The following FHIT variants were observed in gnomAD, a reference collection of about 807,000 sequenced individuals.
The protein encoded by FHIT is bis(5'-adenosyl)-triphosphatase.
FHIT carries 19 observed loss-of-function variants against 17.9 expected under a neutral mutation model. The ratio of observed to expected loss-of-function variants is 1.06; its 90% CI spans 0.74 to 1.56. The LOEUF (loss-of-function observed/expected upper bound fraction) is 1.56. Ranked by LOEUF, FHIT falls within the 40% of genes most tolerant of loss-of-function variation. FHIT has a pLI of 0.00. For missense variants in FHIT, 248 were observed against 189.2 expected (o/e 1.31, Z -1.82); for synonymous variants, 81 against 69.7 (o/e 1.16, Z -0.81).
chr3:60,339,270 T>C (rs796903907), intron 5 of FHIT, among the ~76,000 whole-genome samples: 4 of 152,258 alleles, frequency 2.6e-5, no homozygotes, highest in African/African-American at 9.6e-5. Context: ...TAAACTAACT[T>C]TCCTAAACCT....
At chr3:59,948,576 G>A (rs1706953172) in intron 7 of FHIT, among the ~76,000 whole-genome samples, 2 of 151,738 alleles carry the variant, frequency 1.3e-5, no homozygotes, top group East Asian at 3.9e-4. Context: ...CTATTTTCCA[G>A]AGTAGTAGTT....
chr3:59,755,533 A>C (rs538968191), intron 8 of FHIT, among the ~76,000 whole-genome samples: 1 of 152,298 alleles, frequency 6.6e-6, no homozygotes, highest in African/African-American at 2.4e-5. Context: ...ACTTTAATGG[A>C]GGAGTTTCAC....
At chr3:59,916,103 G>C (rs1705122927) in intron 8 of FHIT, among the ~76,000 whole-genome samples, 1 of 152,112 alleles carries the variant, frequency 6.6e-6, no homozygotes, top group African/African-American at 2.4e-5. Flanking sequence ...TGGACTGGGA[G>C]AGGCAGACCC....
At chr3:60,283,929 T>C (rs1297835606) in intron 5 of FHIT, among the ~76,000 whole-genome samples, 2 of 152,118 alleles carry the variant, frequency 1.3e-5, no homozygotes, top group Non-Finnish European at 2.9e-5. Context: ...TTAGACTCTA[T>C]TGGATCAGGA....
chr3:60,193,083 A>G (rs1273552508), intron 5 of FHIT, among the ~76,000 whole-genome samples: 2 of 152,218 alleles, frequency 1.3e-5, no homozygotes, highest in Non-Finnish European at 2.9e-5. Context: ...AAAAATGGAG[A>G]TTTCTCAAAA....
chr3:60,028,503 C>A (rs758959255), intron 5 of FHIT, among the ~76,000 whole-genome samples: 28 of 152,290 alleles, frequency 1.8e-4, no homozygotes, highest in Non-Finnish European at 2.6e-4. Context: ...CAGTCAGAGG[C>A]AGCCAGCAAA....
At chr3:60,939,787 T>C (rs940825475) in intron 3 of FHIT, among the ~76,000 whole-genome samples, 3 of 152,142 alleles carry the variant, frequency 2.0e-5, no homozygotes, top group African/African-American at 4.8e-5. Flanking sequence ...CACATAGATA[T>C]ACATGTTCTT....
chr3:60,140,244 A>G (rs143454166), intron 5 of FHIT, among the ~76,000 whole-genome samples: 1,946 of 152,238 alleles, frequency 0.013, 36 homozygotes, highest in African/African-American at 0.042. Context: ...TAACTGAACC[A>G]CCATTCTCCC....
In FHIT at chr3:59,801,425, A is replaced by C. The variant is rs535638197; in HGVS notation, c.349-49104T>G. The stretch of plus-strand genomic sequence containing the variant: ...ACTGGATGCCAATACAAATCTCCCA[A>C]GATGTTAACCTTGGTTAATTCTGGG... On this transcript the variant is annotated intron_variant, in intron 8 of 9. Coordinates refer to ENST00000492590, the MANE Select transcript of FHIT (RefSeq NM_002012.4). Among the ~76,000 whole-genome samples, 6 of 152,296 alleles carry C rather than the reference A, an allele frequency of 3.9e-5. No individual in the cohort carries two copies. In the South Asian group the frequency reaches 1.2e-3, roughly 32 times the overall value.
chr3:60,945,472 AAC>A (rs1553775550), intron 3 of FHIT, among the ~76,000 whole-genome samples: 8 of 152,148 alleles, frequency 5.3e-5, no homozygotes, highest in African/African-American at 1.9e-4. Flanking sequence ...GGCTCACTGC[AAC>A]CTCTGCCTCC....
rs12492267 is a variant in FHIT, at chr3:60,525,404, G to T, written c.103+11456C>A. ...AAGATTCTGACTCTAAGAATTGAAG[G>T]GATCACACCCTACCTAATGTGGTAT... On this transcript the variant is annotated intron_variant, in intron 5 of 9. Coordinates refer to ENST00000492590, the MANE Select transcript of FHIT (RefSeq NM_002012.4). Among the ~76,000 whole-genome samples the T allele has an allele frequency of 1.6e-4, 24 of 151,802 alleles. No homozygotes were observed. In the East Asian group the frequency reaches 4.7e-3, roughly 30 times the overall value.
At chr3:60,587,363 C>G (rs782179778) in intron 4 of FHIT, among the ~76,000 whole-genome samples, 14 of 151,832 alleles carry the variant, frequency 9.2e-5, no homozygotes, top group Non-Finnish European at 1.8e-4. Flanking sequence ...GGGTGGGGAG[C>G]AAGGGAAGAG....
intron 4 of FHIT, among the ~76,000 whole-genome samples, chr3:60,676,699 A>G (rs1295714196): frequency 1.3e-5 from 2 of 152,144 alleles, no homozygotes; most frequent in African/African-American, 4.8e-5. Context: ...CTCTCCTGGA[A>G]AATCTTGGGA....
intron 4 of FHIT, among the ~76,000 whole-genome samples, chr3:60,540,244 C>T (rs947827070): frequency 6.6e-6 from 1 of 152,164 alleles, no homozygotes. Context: ...TTCCCCCATA[C>T]CTCACCTTAT....
intron 4 of FHIT, among the ~76,000 whole-genome samples, chr3:60,819,168 T>C (rs953865796): frequency 6.6e-6 from 1 of 152,146 alleles, no homozygotes; most frequent in Admixed American, 6.6e-5. Flanking sequence ...AACATTCCTT[T>C]GCATTTCCTA....
chr3:59,922,420 A>G lies in FHIT; in HGVS notation c.280-6T>C, dbSNP rs756476723. The G allele has an allele frequency of 6.2e-7, 1 of 1,612,314 alleles. No individual in the cohort carries two copies. Among genetic ancestry groups the G allele is most frequent in the Non-Finnish European group, 8.5e-7 (1 of 1,179,020 alleles). Reference sequence around the variant, plus strand: ...AGAACATGGACGTGAACGTGCTGAAAATGTACAAGAAAGAAAAAAAATGTG... The same window carrying G: ...AGAACATGGACGTGAACGTGCTGAAGATGTACAAGAAAGAAAAAAAATGTG... On this transcript the variant is annotated splice_region_variant and splice_polypyrimidine_tract_variant and intron_variant, in intron 7 of 9. Transcript: ENST00000492590.
chr3:60,079,309 G>C (rs1266905594), intron 5 of FHIT, among the ~76,000 whole-genome samples: 1 of 151,968 alleles, frequency 6.6e-6, no homozygotes, highest in African/African-American at 2.4e-5. Context: ...TTTTAAATGG[G>C]GCTTTTTACT....
intron 5 of FHIT, among the ~76,000 whole-genome samples, chr3:60,451,067 A>T (rs548350632): frequency 1.3e-5 from 2 of 152,206 alleles, no homozygotes; most frequent in African/African-American, 4.8e-5. Context: ...GGCAATCGCA[A>T]CATTAACATA....
intron 1 of FHIT, among the ~76,000 whole-genome samples, chr3:61,225,407 CAAAT>C (rs2039944942): frequency 6.6e-6 from 1 of 152,092 alleles, no homozygotes; most frequent in Non-Finnish European, 1.5e-5. Context: ...TGACAGAACA[CAAAT>C]GAATAGAATC....
Sources: gnomAD v4.1 joint callset for allele counts (sites outside exome capture counted in the v4.1 genomes callset) on GRCh38, gnomAD v4.1.1 for gene constraint, MANE v1.5 for transcripts, NCBI Gene and HGNC (gene_info 2026-07-23, HGNC 2026-07-21) for gene names.